The following RBPMS variants were observed in gnomAD, a reference collection of about 807,000 sequenced individuals.
The protein encoded by RBPMS is RNA-binding protein with multiple splicing.
RBPMS carries 7 observed loss-of-function variants against 26.8 expected under a neutral mutation model. The observed-to-expected ratio is 0.26, with a 90% CI of 0.15 to 0.49. The LOEUF is 0.49. Among genes scored for constraint, RBPMS ranks in the 20% least tolerant of loss-of-function variants. RBPMS has a pLI of 0.98. For synonymous variants in RBPMS, 96 were observed against 93.3 expected, an observed-to-expected ratio of 1.03 and a Z score of -0.17; for missense variants, 186 against 250.0, an observed-to-expected ratio of 0.74 and a Z score of 1.73.
chr8:30,486,831 C>T (rs1818845903), intron 4 of RBPMS, among the ~76,000 whole-genome samples: 1 of 152,112 alleles, frequency 6.6e-6, no homozygotes, highest in Non-Finnish European at 1.5e-5. Context: ...AAAACATTTC[C>T]ATCAGATAAT....
At chr8:30,410,030 T>C (rs1224767245) in intron 1 of RBPMS, among the ~76,000 whole-genome samples, 1 of 152,170 alleles carries the variant, frequency 6.6e-6, no homozygotes, top group East Asian at 1.9e-4. Context: ...GAATACCTAC[T>C]ATGTGCCTGG....
intron 5 of RBPMS, among the ~76,000 whole-genome samples, chr8:30,533,620 G>C (rs17553230): frequency 6.6e-6 from 1 of 151,948 alleles, no homozygotes; most frequent in East Asian, 1.9e-4. Context: ...CAAATTCCTT[G>C]GCACACAGAA....
chr8:30,444,547 T>C (rs767570454), intron 1 of RBPMS: 9 of 152,252 alleles, frequency 5.9e-5, no homozygotes, highest in Non-Finnish European at 1.2e-4. Context: ...GAATTCTTCC[T>C]ATACTTTATG....
Position 30,456,690 on chromosome 8 carries a change from G to A in RBPMS, c.67-18089G>A, listed in dbSNP as rs568893907. ...GAGTGATTGAGAACCTTTGGGTCACGTGTGGTGTATCATGAGGTCAGGAGT... is the reference window on the plus strand; with the variant it reads ...GAGTGATTGAGAACCTTTGGGTCACATGTGGTGTATCATGAGGTCAGGAGT... On this transcript the variant is annotated intron_variant, in intron 1 of 8. Coordinates refer to ENST00000397323, the MANE Select transcript of RBPMS (RefSeq NM_001008710.3). Among the ~76,000 whole-genome samples, 12 of 152,246 alleles carry A rather than the reference G, an allele frequency of 7.9e-5. 1 individual carries two copies. The South Asian group carries it at 1.9e-3, about 24-fold the overall frequency.
chr8:30,439,058 G>T (rs1450974384), intron 1 of RBPMS, among the ~76,000 whole-genome samples: 3 of 152,190 alleles, frequency 2.0e-5, no homozygotes. Context: ...ATTACAAGAA[G>T]ATGTGACTTA....
At chr8:30,465,403 T>G (rs1423430409) in intron 1 of RBPMS, among the ~76,000 whole-genome samples, 1 of 152,238 alleles carries the variant, frequency 6.6e-6, no homozygotes, top group Non-Finnish European at 1.5e-5. Flanking sequence ...CTTTGGCAGC[T>G]TAAAATCCTA....
At position 30,385,083 on chromosome 8, in the gene RBPMS, G is replaced by A. The variant is rs1253015198; in HGVS notation, c.-10G>A. 48 of 1,515,068 alleles carry A rather than the reference G, an allele frequency of 3.2e-5. No individual in the cohort carries two copies. The highest frequency in any genetic ancestry group is 4.1e-5 in the Non-Finnish European group (46 of 1,132,050). The allele number at this position is 1,515,068 out of a possible 1,614,324, so 93.9% of individuals were successfully genotyped here. A position where few individuals can be genotyped will look rare whatever the true frequency, so the allele number is the denominator to read the frequency against. On this transcript the variant is annotated 5_prime_UTR_variant, in exon 1 of 9. Transcript: ENST00000397323. ...AGCCCTGCCCGGCCCGGCGAGGAAG[G>A]ACCGGGAAGATGAACAACGGCGGCA...
intron 1 of RBPMS, among the ~76,000 whole-genome samples, chr8:30,441,691 C>A (rs1342469085): frequency 6.6e-6 from 1 of 151,686 alleles, no homozygotes; most frequent in African/African-American, 2.4e-5. Context: ...CCTTATCGTT[C>A]GATCTGAAAA....
At chr8:30,391,409 G>C (rs1210628385) in intron 1 of RBPMS, among the ~76,000 whole-genome samples, 4 of 152,200 alleles carry the variant, frequency 2.6e-5, no homozygotes, top group Admixed American at 6.5e-5. Context: ...TGTCTGCCTG[G>C]GGGTAGGGGA....
chr8:30,533,471 G>A (rs1824455101), intron 5 of RBPMS, among the ~76,000 whole-genome samples: 1 of 152,218 alleles, frequency 6.6e-6, no homozygotes, highest in Non-Finnish European at 1.5e-5. Flanking sequence ...GTTGCTAGCA[G>A]CTTTGTTACC....
Position 30,557,448 on chromosome 8 carries a change from A to G in RBPMS, c.529-1439A>G, listed in dbSNP as rs147799614. Reference sequence around the variant, plus strand: ...CTGACCCCACTGGGCTCTGTGACCAAGGTCATTGAGAATCCCCAGACTTCA... The same window carrying G: ...CTGACCCCACTGGGCTCTGTGACCAGGGTCATTGAGAATCCCCAGACTTCA... On this transcript the variant is annotated intron_variant, in intron 6 of 8. Coordinates refer to ENST00000397323, the MANE Select transcript of RBPMS (RefSeq NM_001008710.3). Among the ~76,000 whole-genome samples, 57 of 152,304 alleles carry G rather than the reference A, an allele frequency of 3.7e-4. 1 individual carries two copies. In the East Asian group the frequency reaches 8.7e-3, roughly 23 times the overall value.
At chr8:30,509,857 CAGA>C (rs1278027891) in intron 5 of RBPMS, among the ~76,000 whole-genome samples, 1 of 152,066 alleles carries the variant, frequency 6.6e-6, no homozygotes, top group Non-Finnish European at 1.5e-5. Context: ...ACATGCTTCT[CAGA>C]AGAAAAATTT....
At chr8:30,530,268 G>A (rs1585780534) in intron 5 of RBPMS, among the ~76,000 whole-genome samples, 1 of 152,192 alleles carries the variant, frequency 6.6e-6, no homozygotes, top group East Asian at 1.9e-4. Flanking sequence ...ATCACACCAT[G>A]TTGCAGAGAA....
intron 1 of RBPMS, among the ~76,000 whole-genome samples, chr8:30,468,176 C>CA (rs1269398382): frequency 1.3e-5 from 2 of 152,126 alleles, no homozygotes; most frequent in South Asian, 4.2e-4. Flanking sequence ...TTTCTTTCCC[C>CA]AAAAAACTTC....
intron 5 of RBPMS, among the ~76,000 whole-genome samples, chr8:30,516,547 C>T (rs1822327994): frequency 6.6e-6 from 1 of 152,146 alleles, no homozygotes; most frequent in East Asian, 1.9e-4. Context: ...CCTTGGGAGA[C>T]TCTACCCAAG....
intron 5 of RBPMS, among the ~76,000 whole-genome samples, chr8:30,508,493 C>A (rs1028882435): frequency 1.3e-5 from 2 of 152,164 alleles, no homozygotes; most frequent in Admixed American, 1.3e-4. Flanking sequence ...AGAGTCAGTA[C>A]GCAGTGACTG....
At chr8:30,424,585 T>C (rs1811145052) in intron 1 of RBPMS, among the ~76,000 whole-genome samples, 1 of 152,206 alleles carries the variant, frequency 6.6e-6, no homozygotes, top group Admixed American at 6.5e-5. Flanking sequence ...GGCTAGGTGA[T>C]CTTTAACCTC....
intron 1 of RBPMS, among the ~76,000 whole-genome samples, chr8:30,432,578 C>T (rs1252931326): frequency 6.6e-6 from 1 of 152,136 alleles, no homozygotes; most frequent in Admixed American, 6.5e-5. Flanking sequence ...ATCGCAACTA[C>T]CTCCATGAAA....
At chr8:30,556,643 C>T (rs781355532) in intron 6 of RBPMS, 25 of 986,076 alleles carry the variant, frequency 2.5e-5, no homozygotes, top group South Asian at 9.4e-5. Flanking sequence ...CCATCACCCT[C>T]TACTGTGTGT....
Sources: gnomAD v4.1 joint callset for allele counts (sites outside exome capture counted in the v4.1 genomes callset) on GRCh38, gnomAD v4.1.1 for gene constraint, MANE v1.5 for transcripts, NCBI Gene and HGNC (gene_info 2026-07-23, HGNC 2026-07-21) for gene names.